PLVAP: variants seen among roughly 807,000 people sequenced by gnomAD.
The protein encoded by PLVAP is plasmalemma vesicle associated protein.
PLVAP carries 34 observed loss-of-function variants against 43.1 expected under a neutral mutation model. The observed-to-expected ratio is 0.79, with a 90% CI of 0.60 to 1.05. The LOEUF (loss-of-function observed/expected upper bound fraction) is 1.05, where lower values mean the gene tolerates loss of function less well. Among genes scored for constraint, PLVAP ranks in the 50% least tolerant of loss-of-function variants. The probability of loss-of-function intolerance (pLI) is 0.00; values close to 1 mark genes in which losing one functional copy is unlikely to be tolerated. For synonymous variants in PLVAP, 241 were observed against 237.3 expected (o/e 1.02, Z -0.14); for missense variants, 574 against 593.4 (o/e 0.97, Z 0.34).
Position 17,365,943 on chromosome 19 carries a change from C to T in PLVAP, c.522G>A (p.Lys174=), listed in dbSNP as rs756384625. 2 of 1,614,050 alleles carry T rather than the reference C, an allele frequency of 1.2e-6. No homozygotes were observed. The highest frequency in any genetic ancestry group is 1.1e-5 in the South Asian group (1 of 91,080). Residue 174 remains lysine, a synonymous_variant, in exon 3 of 6, where the codon AAG becomes AAA. Coordinates refer to ENST00000252590, the MANE Select transcript of PLVAP (RefSeq NM_031310.3). Reference sequence around the variant, plus strand: ...TATCCTTAGTGCAAATGGTCTTCTCCTTGGCTATCTCCACCTCCAGCGTCT... The same window carrying T: ...TATCCTTAGTGCAAATGGTCTTCTCTTTGGCTATCTCCACCTCCAGCGTCT... ...KVKTLEVEIA[K]EKTICTKDKE...
chr19:17,374,464 C>T (rs1018715472), intron 1 of PLVAP, among the ~76,000 whole-genome samples: 13 of 151,744 alleles, frequency 8.6e-5, no homozygotes, highest in African/African-American at 2.9e-4. Flanking sequence ...GACTCCATCT[C>T]AAACAAAACA....
chr19:17,359,277 A>ATT (rs753495089), intron 5 of PLVAP, among the ~76,000 whole-genome samples: 1 of 118,042 alleles, frequency 8.5e-6, no homozygotes, highest in Non-Finnish European at 1.8e-5. Context: ...TAATTTTTGT[A>ATT]TTTTTTTTTT....
chr19:17,374,464 C>CA (rs1004926744), intron 1 of PLVAP, among the ~76,000 whole-genome samples: 35 of 151,620 alleles, frequency 2.3e-4, no homozygotes, highest in African/African-American at 8.0e-4. Flanking sequence ...GACTCCATCT[C>CA]AAACAAAACA....
intron 1 of PLVAP, among the ~76,000 whole-genome samples, chr19:17,368,252 AG>A (rs1324022111): frequency 1.3e-5 from 2 of 151,852 alleles, no homozygotes; most frequent in Admixed American, 1.3e-4. Flanking sequence ...TGTATTTTTT[AG>A]TAGAGACAGG....
Position 17,377,162 on chromosome 19 carries a change from G to T in PLVAP, c.127C>A (p.Leu43Ile). Reference protein sequence around the residue: ...SLIQFLIILGLVLFMVYGNVH... With the variant: ...SLIQFLIILGIVLFMVYGNVH... Reference sequence around the variant, plus strand: ...TTGCCATAGACCATGAAGAGCACGAGCCCCAGGATGATGAGGAATTGGATG... The same window carrying T: ...TTGCCATAGACCATGAAGAGCACGATCCCCAGGATGATGAGGAATTGGATG... Residue 43 changes from leucine (L) to isoleucine (I), a missense_variant, in exon 1 of 6, where the codon CTC (leucine) becomes ATC (isoleucine). By Grantham distance (5) the Leu-to-Ile change is conservative (BLOSUM62 2). Transcript: ENST00000252590. The T allele has an allele frequency of 6.2e-7, 1 of 1,614,124 alleles. No individual in the cohort carries two copies. The highest frequency in any genetic ancestry group is 8.5e-7 in the Non-Finnish European group (1 of 1,180,032).
chr19:17,363,386 C>T (rs1464224324), intron 3 of PLVAP, among the ~76,000 whole-genome samples: 4 of 152,074 alleles, frequency 2.6e-5, no homozygotes, highest in Admixed American at 6.6e-5. Flanking sequence ...AGGCTGGTCT[C>T]GAACTCCTGA....
At chr19:17,371,240 C>T (rs1377036735) in intron 1 of PLVAP, among the ~76,000 whole-genome samples, 2 of 151,514 alleles carry the variant, frequency 1.3e-5, no homozygotes, top group African/African-American at 4.8e-5. Context: ...CAGCTCACTG[C>T]AACCTCTACT....
intron 1 of PLVAP, 148 bp downstream of exon 1, chr19:17,376,772 T>A (rs2074596782): frequency 1.2e-6 from 1 of 864,990 alleles, no homozygotes; most frequent in Admixed American, 2.9e-5. Context: ...CACTCCAGCC[T>A]GGGAGACGGA....
chr19:17,377,305 T>A lies in PLVAP; in HGVS notation c.-17A>T, dbSNP rs768677431. ...CAGACCCATTTGCTCGATCCCGCCGTCCGGTGCACCGTCCCTGCTCACCAC... is the reference window on the plus strand; with the variant it reads ...CAGACCCATTTGCTCGATCCCGCCGACCGGTGCACCGTCCCTGCTCACCAC... On this transcript the variant is annotated 5_prime_UTR_variant, in exon 1 of 6. Coordinates refer to ENST00000252590, the MANE Select transcript of PLVAP (RefSeq NM_031310.3). 1 of 1,591,986 alleles carries A rather than the reference T, an allele frequency of 6.3e-7. No individual in the cohort carries two copies. Among genetic ancestry groups the A allele is most frequent in the Non-Finnish European group, 8.6e-7 (1 of 1,165,520 alleles).
At position 17,356,384 on chromosome 19, in the gene PLVAP, C is replaced by T. The variant is rs541320823; in HGVS notation, c.1323-4016G>A. Among the ~76,000 whole-genome samples, 9 of 152,268 alleles carry T rather than the reference C, an allele frequency of 5.9e-5. No homozygotes were observed. The South Asian group carries it at 1.2e-3, about 21-fold the overall frequency. On this transcript the variant is annotated intron_variant, in intron 5 of 5. Transcript: ENST00000252590. ...GCCCAGCTGATGTGGGGCCCTGCGT[C>T]GGCCATCGATTTGGGAACACGGGAG...
intron 5 of PLVAP, among the ~76,000 whole-genome samples, chr19:17,352,965 C>G (rs12979743): frequency 6.6e-6 from 1 of 152,078 alleles, no homozygotes; most frequent in African/African-American, 2.4e-5. Context: ...TTCCAAGAGC[C>G]ATCACACTGC....
intron 3 of PLVAP, among the ~76,000 whole-genome samples, chr19:17,363,378 G>C (rs138898828): frequency 6.6e-6 from 1 of 152,116 alleles, no homozygotes; most frequent in Non-Finnish European, 1.5e-5. Context: ...TGTTGGCCAG[G>C]CTGGTCTCGA....
chr19:17,373,885 G>A (rs1010983584), intron 1 of PLVAP, among the ~76,000 whole-genome samples: 3 of 152,176 alleles, frequency 2.0e-5, no homozygotes, highest in Admixed American at 6.6e-5. Flanking sequence ...CTGCTGCCCA[G>A]GCGCAATGGC....
chr19:17,377,117 A>C lies in PLVAP; in HGVS notation c.172T>G (p.Ser58Ala), dbSNP rs1042551355. Reference sequence around the variant, plus strand: ...CGGCGCTCGGTGGCCTGCAGGTTGGACTCTGTGCTCACGTGCACGTTGCCA... The same window carrying C: ...CGGCGCTCGGTGGCCTGCAGGTTGGCCTCTGTGCTCACGTGCACGTTGCCA... ...VYGNVHVSTE[S>A]NLQATERRAE... The change falls in exon 1 of 6, where the codon TCC becomes GCC. Residue 58 changes from serine to alanine, a missense_variant. Physicochemically the swap from Ser to Ala is moderately conservative, Grantham distance 99 (BLOSUM62 1). Transcript: ENST00000252590. 6.2e-7 allele frequency: 1 copy of C among 1,613,472 alleles called. No homozygotes were observed. The highest frequency in any genetic ancestry group is 1.7e-5 in the Admixed American group (1 of 59,968).
rs767421295 is a variant in PLVAP, at chr19:17,376,930, T to C, written c.359A>G (p.Gln120Arg). ...DRINASFRQC[Q>R]GDRVIYTNNQ... The stretch of plus-strand genomic sequence containing the variant: ...TGCCCACAGCCTTACCCGGTCACCC[T>C]GGCACTGGCGGAAGCTGGCATTGAT... The change falls in exon 1 of 6, where the codon CAG becomes CGG. Residue 120 changes from glutamine to arginine, a missense_variant. Coordinates refer to ENST00000252590, the MANE Select transcript of PLVAP (RefSeq NM_031310.3). The C allele has an allele frequency of 1.2e-6, 2 of 1,613,316 alleles. No individual in the cohort carries two copies. The highest frequency in any genetic ancestry group is 1.7e-6 in the Non-Finnish European group (2 of 1,179,698).
At chr19:17,361,060 ACACACCACCATGCCT>A in intron 3 of PLVAP, 1 of 495,868 alleles carries the variant, frequency 2.0e-6, no homozygotes, top group East Asian at 3.5e-5. Flanking sequence ...GACTACAGTC[ACACACCACCATGCCT>A]GGCTAATTTT....
intron 3 of PLVAP, among the ~76,000 whole-genome samples, chr19:17,361,931 A>AT (rs544622162): frequency 1.2e-3 from 187 of 151,098 alleles, no homozygotes; most frequent in African/African-American, 3.9e-3. Flanking sequence ...AATAAAAAAA[A>AT]AAAAATCAGC....
At chr19:17,369,153 C>T (rs188202910) in intron 1 of PLVAP, among the ~76,000 whole-genome samples, 43 of 151,902 alleles carry the variant, frequency 2.8e-4, no homozygotes, top group Non-Finnish European at 5.0e-4. Context: ...AGGCAAACAA[C>T]AGTCTTTAAA....
intron 5 of PLVAP, among the ~76,000 whole-genome samples, chr19:17,358,287 A>G (rs34730505): frequency 0.38 from 55,275 of 145,772 alleles, 13,353 homozygotes; most frequent in African/African-American, 0.69. Flanking sequence ...AAAAAGAAGA[A>G]GAGGTGGAAA....
Sources: allele counts gnomAD v4.1 joint callset (sites outside exome capture counted in the v4.1 genomes callset), GRCh38; gene constraint gnomAD v4.1.1; transcripts MANE v1.5; gene names NCBI Gene and HGNC (gene_info 2026-07-23, HGNC 2026-07-21).